CABLES2: variants seen among roughly 807,000 people sequenced by gnomAD.
The protein encoded by CABLES2 is CDK5 and ABL1 enzyme substrate 2.
In CABLES2, 35 loss-of-function variants were observed where a neutral mutation model predicts 44.8. The ratio of observed to expected loss-of-function variants is 0.78; its 90% CI spans 0.60 to 1.04. The LOEUF is 1.04. Among genes scored for constraint, CABLES2 ranks in the 50% least tolerant of loss-of-function variants. The pLI is 0.00. For synonymous variants in CABLES2, 282 were observed against 281.1 expected (o/e 1.00, Z -0.03); for missense variants, 566 against 615.7 (o/e 0.92, Z 0.85).
At chr20:62,406,204 T>C (rs370630587) in intron 1 of CABLES2, among the ~76,000 whole-genome samples, 1 of 151,556 alleles carries the variant, frequency 6.6e-6, no homozygotes, top group East Asian at 1.9e-4. Context: ...GGATGGGAGA[T>C]GTGGCTGTGC....
At chr20:62,399,270 G>A (rs527452727) in intron 1 of CABLES2, among the ~76,000 whole-genome samples, 1 of 87,616 alleles carries the variant, frequency 1.1e-5, no homozygotes, top group African/African-American at 6.4e-5. Context: ...TTTTGAGATG[G>A]AGTCTCACTC....
At chr20:62,399,132 T>C (rs1224274159) in intron 1 of CABLES2, among the ~76,000 whole-genome samples, 1 of 152,178 alleles carries the variant, frequency 6.6e-6, no homozygotes, top group Non-Finnish European at 1.5e-5. Flanking sequence ...TATTTTTTAG[T>C]AGAGATGGGG....
rs1569017044 is a variant in CABLES2 at position 62,397,915 on chromosome 20, C to CGGTGGTGGTG, written c.363-1324_363-1323insCACCACCACC. On this transcript the variant is annotated intron_variant, in intron 1 of 9. Coordinates refer to ENST00000279101, the MANE Select transcript of CABLES2 (RefSeq NM_031215.3). ...ATGGCGGTGGTGGTGATGGTGATGG[C>CGGTGGTGGTG]AGTGGTGATGGTGGTGGTGGTGATG... is the stretch of plus-strand genomic sequence containing the variant. Among the ~76,000 whole-genome samples, 378 of 55,520 alleles carry CGGTGGTGGTG rather than the reference C, an allele frequency of 6.8e-3. 3 individuals carry two copies. Among genetic ancestry groups the CGGTGGTGGTG allele is most frequent in the Non-Finnish European group, 0.013 (275 of 20,996 alleles). 36.4% of individuals were successfully genotyped at this position (55,520 alleles called of 152,430 possible).
At position 62,407,282 on chromosome 20, in the gene CABLES2, G is replaced by C; in HGVS notation, c.-6C>G. 2.4e-6 allele frequency: 1 copy of C among 421,168 alleles called. No individual in the cohort carries two copies. The highest frequency in any genetic ancestry group is 3.1e-6 in the Non-Finnish European group (1 of 317,632). 26.1% of individuals were successfully genotyped at this position (421,168 alleles called of 1,614,324 possible). ...CCGGCCGCGGCCGCGGCCATCCTCAGACTGCGCCCGCCGCCGCGAAGCGCC... is the reference window on the plus strand; with the variant it reads ...CCGGCCGCGGCCGCGGCCATCCTCACACTGCGCCCGCCGCCGCGAAGCGCC... On this transcript the variant is annotated 5_prime_UTR_variant, in exon 1 of 10. Coordinates refer to ENST00000279101, the MANE Select transcript of CABLES2 (RefSeq NM_031215.3).
At chr20:62,398,195 G>A (rs1988108369) in intron 1 of CABLES2, among the ~76,000 whole-genome samples, 1 of 127,104 alleles carries the variant, frequency 7.9e-6, no homozygotes, top group Non-Finnish European at 1.8e-5. Flanking sequence ...TGATGGTGAT[G>A]ATGGTGGTGA....
rs1292387738 is a variant in CABLES2, at chr20:62,388,838, C to G, written c.*2133G>C. 3.5e-6 allele frequency: 1 copy of G among 284,980 alleles called. No homozygotes were observed. Among genetic ancestry groups the G allele is most frequent in the Non-Finnish European group, 6.7e-6 (1 of 149,734 alleles). The allele number at this position is 284,980 out of a possible 1,614,324, so 17.7% of individuals were successfully genotyped here. A position where few individuals can be genotyped will look rare whatever the true frequency, so the allele number is the denominator to read the frequency against. ...CTTAGCTCCGACACCTGGATGTGTT[C>G]TAGAGAATGACAGGCTGAGACTGTA... On this transcript the variant is annotated 3_prime_UTR_variant, in exon 10 of 10. Coordinates refer to ENST00000279101, the MANE Select transcript of CABLES2 (RefSeq NM_031215.3).
chr20:62,407,099 G>A lies in CABLES2; in HGVS notation c.178C>T (p.Arg60Trp). ...FFLNNISLDG[R>W]PPSLGPGGEK... ...CCGCCCGGGCCCAGGCTCGGGGGCC[G>A]CCCGTCCAGGGAGATGTTGTTGAGG... Residue 60 changes from arginine to tryptophan, a missense_variant, in exon 1 of 10, where the codon CGG becomes TGG. Physicochemically the swap from Arg to Trp is moderately radical, Grantham distance 101 (BLOSUM62 -3). Coordinates refer to ENST00000279101, the MANE Select transcript of CABLES2 (RefSeq NM_031215.3). 1.9e-6 allele frequency: 2 copies of A among 1,044,570 alleles called. No individual in the cohort carries two copies. 64.7% of individuals were successfully genotyped at this position (1,044,570 alleles called of 1,614,324 possible).
At chr20:62,400,083 G>A (rs1250419333) in intron 1 of CABLES2, among the ~76,000 whole-genome samples, 5 of 152,222 alleles carry the variant, frequency 3.3e-5, no homozygotes, top group Non-Finnish European at 5.9e-5. Context: ...CCACTAAAAC[G>A]CCTGGTGCCT....
intron 1 of CABLES2, chr20:62,405,047 G>A (rs1213646064): frequency 1.3e-5 from 2 of 152,398 alleles, no homozygotes; most frequent in Non-Finnish European, 2.9e-5. Flanking sequence ...ACTCAAGTGG[G>A]CTCCACTCCA....
intron 8 of CABLES2, 131 bp downstream of exon 8, chr20:62,392,258 G>A (rs1987932574): frequency 4.3e-6 from 3 of 689,876 alleles, no homozygotes; most frequent in East Asian, 2.6e-5. Context: ...GGGCCTGGTC[G>A]GATGGCGAGA....
chr20:62,398,439 C>T (rs185150420), intron 1 of CABLES2, among the ~76,000 whole-genome samples: 1 of 152,090 alleles, frequency 6.6e-6, no homozygotes, highest in Admixed American at 6.5e-5. Flanking sequence ...GGCCCCCAGG[C>T]TTGGCATGGG....
At position 62,388,817 on chromosome 20, in the gene CABLES2, G is replaced by A. The variant is rs1490875970; in HGVS notation, c.*2154C>T. On this transcript the variant is annotated 3_prime_UTR_variant, in exon 10 of 10. Transcript: ENST00000279101. The stretch of plus-strand genomic sequence containing the variant: ...AGTCACAGCCGAGCTGAACACCTTA[G>A]CTCCGACACCTGGATGTGTTCTAGA... 1.2e-5 allele frequency: 4 copies of A among 342,280 alleles called. No homozygotes were observed. The highest frequency in any genetic ancestry group is 2.2e-5 in the Non-Finnish European group (4 of 184,490). 21.2% of individuals were successfully genotyped at this position (342,280 alleles called of 1,614,324 possible). A position where few individuals can be genotyped will look rare whatever the true frequency, so the allele number is the denominator to read the frequency against.
At chr20:62,398,032 CAGT>C (rs1988073449) in intron 1 of CABLES2, among the ~76,000 whole-genome samples, 2 of 78,760 alleles carry the variant, frequency 2.5e-5, no homozygotes, top group South Asian at 3.6e-4. Context: ...GTGGTGGTGA[CAGT>C]GATGGTGATG....
intron 1 of CABLES2, among the ~76,000 whole-genome samples, chr20:62,401,414 C>T (rs950765711): frequency 3.3e-5 from 5 of 152,184 alleles, no homozygotes; most frequent in East Asian, 1.9e-4. Flanking sequence ...CTGCTGCTGA[C>T]GGGACGGGCA....
chr20:62,394,066 C>A, intron 5 of CABLES2, 91 bp downstream of exon 5: 3 of 960,452 alleles, frequency 3.1e-6, no homozygotes, highest in Non-Finnish European at 5.1e-6. Flanking sequence ...CACAGCTTCA[C>A]GTGTGCCTCG....
chr20:62,398,172 A>G (rs1343220858), intron 1 of CABLES2, among the ~76,000 whole-genome samples: 11 of 64,514 alleles, frequency 1.7e-4, no homozygotes, highest in Admixed American at 8.2e-4. Flanking sequence ...GATGGTGGTA[A>G]TGGTGGTGGT....
chr20:62,391,073 C>T lies in CABLES2; in HGVS notation c.1335G>A (p.Leu445=). The change falls in exon 10 of 10, where the codon CTG becomes CTA. Residue 445 remains leucine, a synonymous_variant. Transcript: ENST00000279101. This position sits in a 1 kb window ranked among gnomAD's most constrained non-coding sequence, Gnocchi z 5.7. ...EERFRFNRRD[L]IGFEFTVLVA... is the part of the protein sequence containing the mutation. ...CGAGCACTGTGAACTCAAACCCTAT[C>T]AGGTCGCGCCTGTTGAATCGAAACC... 6.2e-7 allele frequency: 1 copy of T among 1,614,134 alleles called. No individual in the cohort carries two copies. Among genetic ancestry groups the T allele is most frequent in the Non-Finnish European group, 8.5e-7 (1 of 1,180,036 alleles).
At chr20:62,398,110 T>TGGTGGTGGTGGTGAC in intron 1 of CABLES2, among the ~76,000 whole-genome samples, 1 of 76,340 alleles carries the variant, frequency 1.3e-5, no homozygotes, top group East Asian at 3.4e-4. Flanking sequence ...GTGGTGATGG[T>TGGTGGTGGTGGTGAC]GGTGGTGGTG....
chr20:62,406,649 C>T (rs1179997110), intron 1 of CABLES2, among the ~76,000 whole-genome samples: 1 of 149,448 alleles, frequency 6.7e-6, no homozygotes, highest in Non-Finnish European at 1.5e-5. Flanking sequence ...TGATGAGGGC[C>T]CAGACTGACC....
Sources: allele counts gnomAD v4.1 joint callset (sites outside exome capture counted in the v4.1 genomes callset), GRCh38; gene constraint gnomAD v4.1.1; non-coding constraint Gnocchi (gnomAD v3.1); transcripts MANE v1.5; gene names NCBI Gene and HGNC (gene_info 2026-07-23, HGNC 2026-07-21).